Variants in TNPO2 observed in about 807,000 individuals in gnomAD.
The protein encoded by TNPO2 is transportin 2.
TNPO2 carries 16 observed loss-of-function variants against 111.1 expected under a neutral mutation model. The observed-to-expected ratio is 0.14, with a 90% CI of 0.10 to 0.22. The LOEUF is 0.22. Among genes scored for constraint, TNPO2 ranks in the 10% least tolerant of loss-of-function variants. The probability of loss-of-function intolerance (pLI) is 1.00; values close to 1 mark genes in which losing one functional copy is unlikely to be tolerated. For synonymous variants in TNPO2, 481 were observed against 475.8 expected (o/e 1.01, Z -0.14); for missense variants, 530 against 1,173.7 (o/e 0.45, Z 8.01).
chr19:12,701,260 A>G lies in TNPO2; in HGVS notation c.*21-17T>C. On this transcript the variant is annotated splice_polypyrimidine_tract_variant and intron_variant, in intron 25 of 25. Coordinates refer to ENST00000425528, the MANE Select transcript of TNPO2 (RefSeq NM_001382241.1). This position sits in a 1 kb window ranked among gnomAD's most constrained non-coding sequence, Gnocchi z 5.0. ...GACAGAAACCTGCAGGGGGAGGAGG[A>G]AGGTCATGGCCTGGGACCTTTCGGC... 6 of 1,047,756 alleles carry G rather than the reference A, an allele frequency of 5.7e-6. No individual in the cohort carries two copies. Among genetic ancestry groups the G allele is most frequent in the East Asian group, 2.4e-5 (1 of 41,308 alleles). The allele number at this position is 1,047,756 out of a possible 1,614,324, so 64.9% of individuals were successfully genotyped here.
intron 18 of TNPO2, 33 bp from the exon 19 acceptor site, chr19:12,703,834 C>T (rs759060812): frequency 6.5e-7 from 1 of 1,539,582 alleles, no homozygotes; most frequent in Non-Finnish European, 8.8e-7. Context: ...TGTGGCTAGG[C>T]TCCCCTCCTT....
In TNPO2 at chr19:12,702,532, A is replaced by T. The variant is rs1199378542; in HGVS notation, c.2305+291T>A. On this transcript the variant is annotated intron_variant, in intron 21 of 25. Transcript: ENST00000425528. This position sits in a 1 kb window ranked among gnomAD's most constrained non-coding sequence, Gnocchi z 5.5. ...CAGGCACGTGCCATTACCCCCGGCTAATTTTTGTATTTTTTAGTAGAGATG... is the reference window on the plus strand; with the variant it reads ...CAGGCACGTGCCATTACCCCCGGCTTATTTTTGTATTTTTTAGTAGAGATG... The T allele has an allele frequency of 5.9e-6, 3 of 509,744 alleles. No homozygotes were observed. Among genetic ancestry groups the T allele is most frequent in the African/African-American group, 1.9e-5 (1 of 51,346 alleles). 31.6% of individuals were successfully genotyped at this position (509,744 alleles called of 1,614,324 possible). A position where few individuals can be genotyped will look rare whatever the true frequency, so the allele number is the denominator to read the frequency against.
At position 12,708,446 on chromosome 19, in the gene TNPO2, T is replaced by TA. The variant is rs200508589; in HGVS notation, c.1271-1652dup. 4.6e-5 allele frequency among the ~76,000 whole-genome samples: 7 copies of TA among 151,170 alleles called. 1 individual carries two copies. Among genetic ancestry groups the TA allele is most frequent in the Admixed American group, 3.9e-4 (6 of 15,192 alleles). On this transcript the variant is annotated intron_variant, in intron 13 of 25. Transcript: ENST00000425528. ...CACACCCAGGGTTTTTTTTTTTTTT[T>TA]AAAATATCACGAACTCTGCTCTTTT...
chr19:12,718,099 G>A (rs2026465674), intron 5 of TNPO2, among the ~76,000 whole-genome samples: 1 of 151,880 alleles, frequency 6.6e-6, no homozygotes, highest in Admixed American at 6.6e-5. Context: ...CTGCCTCCTG[G>A]GTTCAAGCAA....
intron 13 of TNPO2, 43 bp downstream of exon 13, chr19:12,710,576 TAC>T (rs761757366): frequency 1.4e-5 from 22 of 1,601,278 alleles, no homozygotes; most frequent in Middle Eastern, 1.7e-4. Context: ...GGGCCAGCCC[TAC>T]AGTCTCATGC....
At chr19:12,704,544 A>G (rs2025519043) in intron 18 of TNPO2, among the ~76,000 whole-genome samples, 1 of 152,236 alleles carries the variant, frequency 6.6e-6, no homozygotes, top group Non-Finnish European at 1.5e-5. Flanking sequence ...AAACTTCTGT[A>G]TGCGTTCAGT....
At chr19:12,713,857 A>C (rs1454167494) in intron 10 of TNPO2, among the ~76,000 whole-genome samples, 2 of 152,126 alleles carry the variant, frequency 1.3e-5, no homozygotes, top group Non-Finnish European at 2.9e-5. Flanking sequence ...GCAAGACCTC[A>C]TCTCTACTAA....
rs535390144 is a variant in TNPO2, at chr19:12,703,377, G to A, written c.2209+51C>T. 2.5e-5 allele frequency: 39 copies of A among 1,549,002 alleles called. No homozygotes were observed. The East Asian group carries it at 7.9e-4, about 31-fold the overall frequency. On this transcript the variant is annotated intron_variant, in intron 20 of 25. Coordinates refer to ENST00000425528, the MANE Select transcript of TNPO2 (RefSeq NM_001382241.1). ...GTCAGAGCTAGGCTCCCGCCCCCAGGTTGAGAACAGGCTAATGGGGGGCGC... is the reference window on the plus strand; with the variant it reads ...GTCAGAGCTAGGCTCCCGCCCCCAGATTGAGAACAGGCTAATGGGGGGCGC...
chr19:12,705,146 T>C lies in TNPO2; in HGVS notation c.2022+94A>G. ...AATAATTAGAACAGCACCTTTTCCCTGATTTCCTTTGGGCACAACCAGGCC... is the reference window on the plus strand; with the variant it reads ...AATAATTAGAACAGCACCTTTTCCCCGATTTCCTTTGGGCACAACCAGGCC... On this transcript the variant is annotated intron_variant, in intron 18 of 25. Transcript: ENST00000425528. The surrounding 1 kb of genome is among the most constrained non-coding windows in gnomAD (Gnocchi z 7.2). The C allele has an allele frequency of 7.7e-7, 1 of 1,301,418 alleles. No individual in the cohort carries two copies. Among genetic ancestry groups the C allele is most frequent in the Non-Finnish European group, 1.1e-6 (1 of 939,026 alleles). 80.6% of individuals were successfully genotyped at this position (1,301,418 alleles called of 1,614,324 possible).
chr19:12,701,954 G>C lies in TNPO2; in HGVS notation c.2412-103C>G, dbSNP rs946328544. The C allele has an allele frequency of 1.5e-5, 21 of 1,388,974 alleles. No homozygotes were observed. The highest frequency in any genetic ancestry group is 2.0e-5 in the Non-Finnish European group (20 of 977,748). The allele number at this position is 1,388,974 out of a possible 1,614,324, so 86.0% of individuals were successfully genotyped here. A position where few individuals can be genotyped will look rare whatever the true frequency, so the allele number is the denominator to read the frequency against. ...GTGAGTGGGCCTGGGACATGCATCT[G>C]TGGGGGTGGGGCAGGGCAGGGAGTC... is the stretch of plus-strand genomic sequence containing the variant. On this transcript the variant is annotated intron_variant, in intron 22 of 25. Coordinates refer to ENST00000425528, the MANE Select transcript of TNPO2 (RefSeq NM_001382241.1). The surrounding 1 kb of genome is among the most constrained non-coding windows in gnomAD (Gnocchi z 5.0).
rs766273231 is a variant in TNPO2 at position 12,706,226 on chromosome 19, G to A, written c.1638C>T (p.Ala546=). 45 of 1,613,762 alleles carry A rather than the reference G, an allele frequency of 2.8e-5. No individual in the cohort carries two copies. The highest frequency in any genetic ancestry group is 1.6e-4 in the Middle Eastern group (1 of 6,084). ...LILYDAIGTL[A]DSVGHHLNQP... Reference sequence around the variant, plus strand: ...GGTTGAGGTGGTGGCCTACAGAGTCGGCCAGGGTGCCAATGGCGTCATAGA... The same window carrying A: ...GGTTGAGGTGGTGGCCTACAGAGTCAGCCAGGGTGCCAATGGCGTCATAGA... The change falls in exon 15 of 26, where the codon GCC becomes GCT. Residue 546 remains alanine (A), a synonymous_variant. Coordinates refer to ENST00000425528, the MANE Select transcript of TNPO2 (RefSeq NM_001382241.1). The surrounding 1 kb of genome is among the most constrained non-coding windows in gnomAD (Gnocchi z 7.0).
intron 20 of TNPO2, 82 bp downstream of exon 20, chr19:12,703,346 C>T: frequency 7.7e-7 from 1 of 1,291,792 alleles, no homozygotes; most frequent in Non-Finnish European, 1.1e-6. Context: ...TTGAAGGAAG[C>T]TGTCAGTCAG....
rs751522651 is a variant in TNPO2 at position 12,702,387 on chromosome 19, G to GT, written c.2306-211dup. The GT allele has an allele frequency of 2.0e-3, 1,316 of 661,988 alleles. No individual in the cohort carries two copies. The highest frequency in any genetic ancestry group is 2.9e-3 in the East Asian group (101 of 34,954). 41.0% of individuals were successfully genotyped at this position (661,988 alleles called of 1,614,324 possible). ...TTTCTTTCCTTTCCCTTTCCTTTTTGTTTTTTTTTGTTTTGTTTTGTTTTT... is the reference window on the plus strand; with the variant it reads ...TTTCTTTCCTTTCCCTTTCCTTTTTGTTTTTTTTTTGTTTTGTTTTGTTTTT... On this transcript the variant is annotated intron_variant, in intron 21 of 25. Coordinates refer to ENST00000425528, the MANE Select transcript of TNPO2 (RefSeq NM_001382241.1). This position sits in a 1 kb window ranked among gnomAD's most constrained non-coding sequence, Gnocchi z 5.5.
At chr19:12,716,991 T>C (rs545056356) in intron 5 of TNPO2, among the ~76,000 whole-genome samples, 1 of 152,212 alleles carries the variant, frequency 6.6e-6, no homozygotes, top group South Asian at 2.1e-4. Context: ...ACAGCAGGCA[T>C]CTGAGGTGCC....
chr19:12,714,093 G>A (rs896145554), intron 10 of TNPO2, among the ~76,000 whole-genome samples: 1 of 152,098 alleles, frequency 6.6e-6, no homozygotes, highest in Non-Finnish European at 1.5e-5. Context: ...AGGAGGGTCA[G>A]TTTTAGGACT....
intron 18 of TNPO2, among the ~76,000 whole-genome samples, chr19:12,704,318 G>A (rs147540389): frequency 0.017 from 2,604 of 150,844 alleles, 91 homozygotes; most frequent in African/African-American, 0.061. Flanking sequence ...GCAGTGAGCC[G>A]AGATCACACC....
Position 12,705,962 on chromosome 19 carries a change from C to T in TNPO2, c.1669-194G>A. ...AGCACCGCCCGCCCCACCCCACCCC[C>T]CGGGAGCCTGGGTTACCACCTCCTG... On this transcript the variant is annotated intron_variant, in intron 15 of 25. Coordinates refer to ENST00000425528, the MANE Select transcript of TNPO2 (RefSeq NM_001382241.1). This position sits in a 1 kb window ranked among gnomAD's most constrained non-coding sequence, Gnocchi z 7.2. 1 of 656,970 alleles carries T rather than the reference C, an allele frequency of 1.5e-6. No homozygotes were observed. The allele number at this position is 656,970 out of a possible 1,614,324, so 40.7% of individuals were successfully genotyped here.
chr19:12,701,249 G>GATCTC lies in TNPO2; in HGVS notation c.*21-7_*21-6insGAGAT. The GATCTC allele has an allele frequency of 1.0e-6, 1 of 952,500 alleles. No individual in the cohort carries two copies. The highest frequency in any genetic ancestry group is 1.6e-6 in the Non-Finnish European group (1 of 622,488). The allele number at this position is 952,500 out of a possible 1,614,324, so 59.0% of individuals were successfully genotyped here. On this transcript the variant is annotated splice_region_variant and splice_polypyrimidine_tract_variant and intron_variant, in intron 25 of 25. Coordinates refer to ENST00000425528, the MANE Select transcript of TNPO2 (RefSeq NM_001382241.1). The surrounding 1 kb of genome is among the most constrained non-coding windows in gnomAD (Gnocchi z 5.0). Reference sequence around the variant, plus strand: ...ACGACGACGCAGACAGAAACCTGCAGGGGGAGGAGGAAGGTCATGGCCTGG... The same window carrying GATCTC: ...ACGACGACGCAGACAGAAACCTGCAGATCTCGGGGAGGAGGAAGGTCATGGCCTGG...
chr19:12,712,076 G>T (rs1388678886), intron 10 of TNPO2, among the ~76,000 whole-genome samples: 6 of 150,874 alleles, frequency 4.0e-5, no homozygotes, highest in Non-Finnish European at 8.9e-5. Context: ...CCAATATTAT[G>T]ATAATCCTCG....
Sources: allele counts gnomAD v4.1 joint callset (sites outside exome capture counted in the v4.1 genomes callset), GRCh38; gene constraint gnomAD v4.1.1; non-coding constraint Gnocchi (gnomAD v3.1); transcripts MANE v1.5; gene names NCBI Gene and HGNC (gene_info 2026-07-23, HGNC 2026-07-21).